The following TSC22D1 variants were observed in gnomAD, a reference collection of about 807,000 sequenced individuals.
The protein encoded by TSC22D1 is TSC22 domain family protein 1.
In TSC22D1, 9 loss-of-function variants were observed where a neutral mutation model predicts 74.2. The observed-to-expected ratio is 0.12, with a 90% CI of 0.07 to 0.21. TSC22D1 has a LOEUF of 0.21. Among genes scored for constraint, TSC22D1 ranks in the 10% least tolerant of loss-of-function variants. TSC22D1 has a pLI of 1.00. For synonymous variants in TSC22D1, 586 were observed against 492.5 expected, an observed-to-expected ratio of 1.19 and a Z score of -2.51; for missense variants, 1,427 against 1,304.7, an observed-to-expected ratio of 1.09 and a Z score of -1.44.
chr13:44,531,587 A>G (rs78081378), intron 1 of TSC22D1, among the ~76,000 whole-genome samples: 1 of 145,344 alleles, frequency 6.9e-6, no homozygotes, highest in Non-Finnish European at 1.5e-5. Context: ...GTTTGTTCTT[A>G]TTTTCCCCCA....
intron 1 of TSC22D1, among the ~76,000 whole-genome samples, chr13:44,559,343 A>G (rs921598928): frequency 3.3e-5 from 5 of 152,220 alleles, no homozygotes; most frequent in African/African-American, 4.8e-5. Flanking sequence ...AGCAAAAAAC[A>G]TAACTTATAA....
chr13:44,535,214 T>C (rs1305336906), intron 1 of TSC22D1, among the ~76,000 whole-genome samples: 1 of 152,164 alleles, frequency 6.6e-6, no homozygotes, highest in African/African-American at 2.4e-5. Flanking sequence ...TGAATATTTT[T>C]CTACCTATGC....
chr13:44,550,218 G>A (rs890526660), intron 1 of TSC22D1, among the ~76,000 whole-genome samples: 4 of 152,058 alleles, frequency 2.6e-5, no homozygotes, highest in African/African-American at 9.7e-5. Flanking sequence ...AAGCCACAAC[G>A]GATCTTAGTT....
At chr13:44,567,747 G>A (rs1267642355) in intron 1 of TSC22D1, among the ~76,000 whole-genome samples, 1 of 151,896 alleles carries the variant, frequency 6.6e-6, no homozygotes, top group Non-Finnish European at 1.5e-5. Flanking sequence ...CCAAATAAGA[G>A]GAGTTTAAGA....
intron 1 of TSC22D1, among the ~76,000 whole-genome samples, chr13:44,556,726 C>T (rs1052187840): frequency 2.0e-5 from 3 of 151,904 alleles, no homozygotes; most frequent in Non-Finnish European, 2.9e-5. Context: ...ACTAGTTGGA[C>T]GTGGTGACGC....
intron 1 of TSC22D1, among the ~76,000 whole-genome samples, chr13:44,499,726 T>G (rs1434683305): frequency 6.6e-6 from 1 of 152,212 alleles, no homozygotes; most frequent in Non-Finnish European, 1.5e-5. Flanking sequence ...AGTAATTCAT[T>G]TGTTTTATAT....
Position 44,575,083 on chromosome 13 carries a change from C to G in TSC22D1, c.992G>C (p.Ser331Thr). The part of the protein sequence containing the change: ...VGSFNPNVTS[S>T]MLGNVNISTS... Reference sequence around the variant, plus strand: ...ACTTATATTAACATTACCAAGCATGCTGCTTGTCACATTAGGATTAAAACT... The same window carrying G: ...ACTTATATTAACATTACCAAGCATGGTGCTTGTCACATTAGGATTAAAACT... The change falls in exon 1 of 3, where the codon AGC becomes ACC. Residue 331 changes from serine (S) to threonine (T), a missense_variant. Ser to Thr is a moderately conservative substitution (Grantham distance 58, BLOSUM62 1). Transcript: ENST00000458659. 1 of 1,614,192 alleles carries G rather than the reference C, an allele frequency of 6.2e-7. No homozygotes were observed.
intron 1 of TSC22D1, among the ~76,000 whole-genome samples, chr13:44,445,411 C>A (rs988201513): frequency 4.6e-5 from 7 of 151,422 alleles, no homozygotes; most frequent in Admixed American, 1.3e-4. Flanking sequence ...AATGTAAAAT[C>A]CCAACCTATA....
chr13:44,519,010 T>C (rs1880180675), intron 1 of TSC22D1, among the ~76,000 whole-genome samples: 1 of 152,202 alleles, frequency 6.6e-6, no homozygotes, highest in African/African-American at 2.4e-5. Context: ...AAACAGTGGA[T>C]TTAGTGCCAA....
chr13:44,554,685 A>G (rs1882515189), intron 1 of TSC22D1, among the ~76,000 whole-genome samples: 1 of 151,778 alleles, frequency 6.6e-6, no homozygotes, highest in Non-Finnish European at 1.5e-5. Context: ...CTAGGCTAAA[A>G]GACAATTGCT....
Position 44,543,047 on chromosome 13 carries a change from A to T in TSC22D1, c.2912+30116T>A, listed in dbSNP as rs370652308. On this transcript the variant is annotated intron_variant, in intron 1 of 2. Coordinates refer to ENST00000458659, the MANE Select transcript of TSC22D1 (RefSeq NM_183422.4). The stretch of plus-strand genomic sequence containing the variant: ...CTGCTACCTCAAATGGCTGTTATAG[A>T]TCTATTAACCTACCAGTACATCAAT... Among the ~76,000 whole-genome samples the T allele has an allele frequency of 1.6e-3, 237 of 152,262 alleles. 1 individual carries two copies. The highest frequency in any genetic ancestry group is 5.5e-3 in the African/African-American group (229 of 41,560).
intron 1 of TSC22D1, among the ~76,000 whole-genome samples, chr13:44,509,950 CAAA>C: frequency 1.5e-3 from 75 of 51,428 alleles, no homozygotes; most frequent in African/African-American, 4.2e-3. Context: ...AGAAAATAAG[CAAA>C]AAAAAAAAAA....
chr13:44,503,480 G>T (rs1311058350), intron 1 of TSC22D1, among the ~76,000 whole-genome samples: 2 of 152,134 alleles, frequency 1.3e-5, no homozygotes, highest in South Asian at 2.1e-4. Flanking sequence ...CAAACTACAG[G>T]ATGCCATACA....
chr13:44,554,100 A>G (rs1326151359), intron 1 of TSC22D1, among the ~76,000 whole-genome samples: 1 of 152,224 alleles, frequency 6.6e-6, no homozygotes, highest in African/African-American at 2.4e-5. Context: ...CACAGTAATA[A>G]AAACAGCCAT....
At chr13:44,564,163 T>A (rs1883218821) in intron 1 of TSC22D1, among the ~76,000 whole-genome samples, 2 of 152,214 alleles carry the variant, frequency 1.3e-5, no homozygotes, top group South Asian at 4.1e-4. Context: ...TATGACAATA[T>A]TAATAGTATA....
rs112070771 is a variant in TSC22D1, at chr13:44,549,602, A to C, written c.2912+23561T>G. ...AGCCTAAGCAACATGGTGAAATCCT[A>C]TCTCTACAAAAAATTAGCCAGGCAT... On this transcript the variant is annotated intron_variant, in intron 1 of 2. Coordinates refer to ENST00000458659, the MANE Select transcript of TSC22D1 (RefSeq NM_183422.4). 1.4e-3 allele frequency among the ~76,000 whole-genome samples: 218 copies of C among 151,958 alleles called. 1 individual carries two copies. Among genetic ancestry groups the C allele is most frequent in the African/African-American group, 4.8e-3 (199 of 41,426 alleles).
At chr13:44,498,740 C>T (rs548659905) in intron 1 of TSC22D1, among the ~76,000 whole-genome samples, 1 of 152,078 alleles carries the variant, frequency 6.6e-6, no homozygotes, top group East Asian at 1.9e-4. Context: ...GATCACTATT[C>T]GTCATTCCCC....
chr13:44,531,412 T>C (rs1276647366), intron 1 of TSC22D1, among the ~76,000 whole-genome samples: 2 of 152,354 alleles, frequency 1.3e-5, no homozygotes, highest in East Asian at 1.9e-4. Context: ...GCCATCTTCA[T>C]TGCTTACAGA....
chr13:44,576,266 C>T lies in TSC22D1; in HGVS notation c.-192G>A, dbSNP rs1363805837. ...AGCGAGCTTCGGAAAGGAGGATGAACGAGGGTGAACAGGGCGGCCGGGGAC... is the reference window on the plus strand; with the variant it reads ...AGCGAGCTTCGGAAAGGAGGATGAATGAGGGTGAACAGGGCGGCCGGGGAC... On this transcript the variant is annotated 5_prime_UTR_variant, in exon 1 of 3. Transcript: ENST00000458659. 3 of 809,108 alleles carry T rather than the reference C, an allele frequency of 3.7e-6. No individual in the cohort carries two copies. Among genetic ancestry groups the T allele is most frequent in the Non-Finnish European group, 5.6e-6 (3 of 536,422 alleles). 50.1% of individuals were successfully genotyped at this position (809,108 alleles called of 1,614,324 possible).
Sources: gnomAD v4.1 joint callset for allele counts (sites outside exome capture counted in the v4.1 genomes callset) on GRCh38, gnomAD v4.1.1 for gene constraint, MANE v1.5 for transcripts, NCBI Gene and HGNC (gene_info 2026-07-23, HGNC 2026-07-21) for gene names.